Variants in CFAP95 observed in about 807,000 individuals in gnomAD.
CFAP95 encodes the protein cilia and flagella associated protein 95, also known as cilia- and flagella-associated protein 95.
the CFAP95 span, among the ~76,000 whole-genome samples, chr9:69,855,524 A>T: frequency 6.6e-6 from 1 of 152,188 alleles, no homozygotes; most frequent in East Asian, 1.9e-4. Flanking sequence ...AACATCTAAG[A>T]AGAAGAGTAG....
At chr9:69,856,581 G>A in the CFAP95 span, 2 of 1,609,670 alleles carry the variant, frequency 1.2e-6, no homozygotes, top group South Asian at 1.1e-5. Flanking sequence ...CACATGAAAA[G>A]TTGTCACAAA....
chr9:69,865,390 G>A, the CFAP95 span, among the ~76,000 whole-genome samples: 1 of 152,180 alleles, frequency 6.6e-6, no homozygotes, highest in South Asian at 2.1e-4. Flanking sequence ...CCATGAGAGT[G>A]AGACAGGCTT....
the CFAP95 span, among the ~76,000 whole-genome samples, chr9:69,839,331 C>G: frequency 5.4e-5 from 8 of 148,598 alleles, no homozygotes; most frequent in South Asian, 4.3e-4. Flanking sequence ...CCTTGTACCT[C>G]TGGTAGAATT....
the CFAP95 span, among the ~76,000 whole-genome samples, chr9:69,882,432 C>T: frequency 6.6e-6 from 1 of 152,050 alleles, no homozygotes; most frequent in Non-Finnish European, 1.5e-5. Flanking sequence ...TTTGGATGCC[C>T]TTTATTTCTT....
the CFAP95 span, chr9:69,902,307 G>A: frequency 4.4e-6 from 2 of 454,276 alleles, no homozygotes; most frequent in Middle Eastern, 3.2e-4. Flanking sequence ...AGCCTTCATA[G>A]CAAAGGATAT....
the CFAP95 span, among the ~76,000 whole-genome samples, chr9:69,902,675 AC>A: frequency 6.8e-6 from 1 of 147,896 alleles, no homozygotes; most frequent in African/African-American, 2.5e-5. Context: ...TTCTTGGTAT[AC>A]CTGTTTTTTT....
At chr9:69,858,167 C>G in the CFAP95 span, 1 of 552,014 alleles carries the variant, frequency 1.8e-6, no homozygotes, top group African/African-American at 1.9e-5. Flanking sequence ...AATAATAAAA[C>G]AGTAAATCCT....
At chr9:69,849,046 A>T in the CFAP95 span, among the ~76,000 whole-genome samples, 2 of 152,198 alleles carry the variant, frequency 1.3e-5, no homozygotes, top group Non-Finnish European at 2.9e-5. Flanking sequence ...GCCCTTTTGT[A>T]TGTAAAAGAG....
the CFAP95 span, among the ~76,000 whole-genome samples, chr9:69,882,604 A>T: frequency 6.6e-6 from 1 of 152,156 alleles, no homozygotes; most frequent in Non-Finnish European, 1.5e-5. Flanking sequence ...AGCTTTCATT[A>T]TGTTGAAGTA....
At chr9:69,850,505 A>C in the CFAP95 span, among the ~76,000 whole-genome samples, 62 of 152,338 alleles carry the variant, frequency 4.1e-4, no homozygotes, top group African/African-American at 1.5e-3. Flanking sequence ...TAATGTCCTA[A>C]AAGGGATACA....
the CFAP95 span, among the ~76,000 whole-genome samples, chr9:69,874,045 C>A: frequency 6.6e-6 from 1 of 152,134 alleles, no homozygotes; most frequent in South Asian, 2.1e-4. Flanking sequence ...GCACGTGTAG[C>A]AAATTGTGGG....
At chr9:69,821,010 A>T in the CFAP95 span, 1 of 1,613,764 alleles carries the variant, frequency 6.2e-7, no homozygotes, top group African/African-American at 1.3e-5. Context: ...AAATACTCGA[A>T]GCCGGTGTTG....
At chr9:69,829,598 A>C in the CFAP95 span, among the ~76,000 whole-genome samples, 1 of 152,188 alleles carries the variant, frequency 6.6e-6, no homozygotes, top group African/African-American at 2.4e-5. Flanking sequence ...AAGCCATTAG[A>C]GTCCTCTCCT....
the CFAP95 span, among the ~76,000 whole-genome samples, chr9:69,836,945 T>A: frequency 6.7e-6 from 1 of 149,488 alleles, no homozygotes; most frequent in Admixed American, 6.7e-5. Flanking sequence ...GTGTTCTCAT[T>A]GTTCAATTCC....
the CFAP95 span, among the ~76,000 whole-genome samples, chr9:69,857,029 C>G: frequency 5.3e-5 from 8 of 151,328 alleles, no homozygotes; most frequent in African/African-American, 1.9e-4. Context: ...GCTTGTTCAC[C>G]TGTAAAATGG....
chr9:69,878,552 C>A, the CFAP95 span, among the ~76,000 whole-genome samples: 1 of 152,166 alleles, frequency 6.6e-6, no homozygotes, highest in African/African-American at 2.4e-5. Flanking sequence ...CTATGCTCTA[C>A]CTCTGGGCAA....
At chr9:69,883,333 G>A in the CFAP95 span, among the ~76,000 whole-genome samples, 1 of 152,096 alleles carries the variant, frequency 6.6e-6, no homozygotes, top group South Asian at 2.1e-4. Context: ...AGAAGTTTAT[G>A]TGGGGTTGGA....
the CFAP95 span, among the ~76,000 whole-genome samples, chr9:69,872,961 G>C: frequency 7.9e-5 from 12 of 152,256 alleles, no homozygotes; most frequent in African/African-American, 2.9e-4. Flanking sequence ...GGTCTTGGGA[G>C]GCTACAATAC....
At chr9:69,832,137 C>G in the CFAP95 span, among the ~76,000 whole-genome samples, 1 of 152,090 alleles carries the variant, frequency 6.6e-6, no homozygotes, top group Admixed American at 6.6e-5. Context: ...GAACCCCGAG[C>G]TTTCAGAGAT....
Sources: allele counts gnomAD v4.1 joint callset (sites outside exome capture counted in the v4.1 genomes callset), GRCh38; gene constraint gnomAD v4.1.1; transcripts MANE v1.5; gene names NCBI Gene and HGNC (gene_info 2026-07-23, HGNC 2026-07-21).